The following SEMA5A variants were observed in gnomAD, a reference collection of about 807,000 sequenced individuals.
SEMA5A encodes semaphorin 5A.
A neutral mutation model predicts 135.5 loss-of-function variants in SEMA5A; 55 were observed. The observed-to-expected ratio is 0.41, with a 90% CI of 0.33 to 0.51. SEMA5A has a LOEUF of 0.51. Ranked by LOEUF, SEMA5A falls within the 20% of genes least tolerant of loss-of-function variation. The probability of loss-of-function intolerance (pLI) is 0.37; values close to 1 mark genes in which losing one functional copy is unlikely to be tolerated. For synonymous variants in SEMA5A, 580 were observed against 546.5 expected (o/e 1.06, Z -0.85); for missense variants, 1,290 against 1,419.9 (o/e 0.91, Z 1.47).
In SEMA5A at chr5:9,190,387, C is replaced by A; in HGVS notation, c.1153G>T (p.Val385Leu). Residue 385 changes from valine to leucine, a missense_variant, in exon 11 of 23, where the codon GTG becomes TTG. Transcript: ENST00000382496. ...GGCACTGTGGTCACTGGCTGTACCA[C>A]CTCATGCATCAGAATGAACTTCTGA... ...DAQKFILMHEVVQPVTTVPSF... is the reference protein window; with the variant it reads ...DAQKFILMHELVQPVTTVPSF... 6.2e-7 allele frequency: 1 copy of A among 1,614,036 alleles called. No individual in the cohort carries two copies. Among genetic ancestry groups the A allele is most frequent in the Non-Finnish European group, 8.5e-7 (1 of 1,180,026 alleles).
intron 5 of SEMA5A, among the ~76,000 whole-genome samples, chr5:9,307,333 A>G (rs2150631634): frequency 6.6e-6 from 1 of 152,340 alleles, no homozygotes; most frequent in African/African-American, 2.4e-5. Flanking sequence ...ATGTTAAACA[A>G]GGGTGTTGTC....
intron 4 of SEMA5A, among the ~76,000 whole-genome samples, 183 bp downstream of exon 4, chr5:9,337,530 C>T (rs759774522): frequency 3.9e-5 from 6 of 152,182 alleles, no homozygotes; most frequent in Non-Finnish European, 8.8e-5. Flanking sequence ...CTTACTCTAA[C>T]GGGCAGCCAT....
At chr5:9,072,221 T>C (rs180681449) in intron 16 of SEMA5A, among the ~76,000 whole-genome samples, 1 of 152,272 alleles carries the variant, frequency 6.6e-6, no homozygotes, top group African/African-American at 2.4e-5. Context: ...AGACAACTTA[T>C]GGGAGACCCA....
At chr5:9,048,748 C>T (rs1464860411) in intron 21 of SEMA5A, among the ~76,000 whole-genome samples, 2 of 152,176 alleles carry the variant, frequency 1.3e-5, no homozygotes, top group African/African-American at 2.4e-5. Flanking sequence ...ATGGGCTTTG[C>T]ACCATATTCT....
chr5:9,207,845 A>AGAT (rs1175638822), intron 8 of SEMA5A, among the ~76,000 whole-genome samples: 1 of 151,510 alleles, frequency 6.6e-6, no homozygotes, highest in Non-Finnish European at 1.5e-5. Flanking sequence ...ACTAAAAGAC[A>AGAT]GATGATGATA....
chr5:9,200,093 G>A (rs921753719), intron 9 of SEMA5A, among the ~76,000 whole-genome samples: 3 of 152,168 alleles, frequency 2.0e-5, no homozygotes, highest in Non-Finnish European at 2.9e-5. Flanking sequence ...AAAGGAGGTG[G>A]AAAATATTGT....
chr5:9,318,663 C>T (rs753887887), intron 4 of SEMA5A, among the ~76,000 whole-genome samples: 9 of 152,104 alleles, frequency 5.9e-5, no homozygotes, highest in Non-Finnish European at 1.0e-4. Flanking sequence ...TACATACTTA[C>T]GGTAAGTGTA....
intron 1 of SEMA5A, among the ~76,000 whole-genome samples, chr5:9,469,787 G>A (rs1759408201): frequency 6.6e-6 from 1 of 152,172 alleles, no homozygotes; most frequent in South Asian, 2.1e-4. Flanking sequence ...CAGCATGCAA[G>A]AACCCCCAGC....
chr5:9,379,919 G>A lies in SEMA5A; in HGVS notation c.28C>T (p.Leu10=), dbSNP rs757544769. 1 of 1,613,868 alleles carries A rather than the reference G, an allele frequency of 6.2e-7. No individual in the cohort carries two copies. The highest frequency in any genetic ancestry group is 1.7e-5 in the Admixed American group (1 of 59,966). The change falls in exon 3 of 23, where the codon CTG becomes TTG. Residue 10 remains leucine, a synonymous_variant. Coordinates refer to ENST00000382496, the MANE Select transcript of SEMA5A (RefSeq NM_003966.3). The part of the protein sequence containing the change: MKGTCVIAW[L]FSSLGLWRLA... ...CTCCACAGCCCCAGGCTTGAGAACA[G>A]CCATGCTATAACACAGGTTCCCTTC...
chr5:9,044,200 A>T (rs994886100), intron 22 of SEMA5A, among the ~76,000 whole-genome samples, 173 bp downstream of exon 22: 6 of 152,198 alleles, frequency 3.9e-5, no homozygotes, highest in Middle Eastern at 3.2e-3. Context: ...CTCCTGGGAC[A>T]TAAGTTCTCC....
At chr5:9,111,413 G>C (rs1740232636) in intron 15 of SEMA5A, among the ~76,000 whole-genome samples, 1 of 152,112 alleles carries the variant, frequency 6.6e-6, no homozygotes, top group African/African-American at 2.4e-5. Context: ...ATAAACCATA[G>C]CACACAAATC....
At chr5:9,237,256 T>C (rs758729766) in intron 6 of SEMA5A, among the ~76,000 whole-genome samples, 1 of 152,206 alleles carries the variant, frequency 6.6e-6, no homozygotes, top group Non-Finnish European at 1.5e-5. Flanking sequence ...GAATCACGCA[T>C]CTTTTTGAGC....
chr5:9,267,739 G>C (rs1318391769), intron 5 of SEMA5A, among the ~76,000 whole-genome samples: 1 of 152,084 alleles, frequency 6.6e-6, no homozygotes, highest in Non-Finnish European at 1.5e-5. Flanking sequence ...ACACATCTGA[G>C]ATCGACTTCA....
chr5:9,403,062 G>A (rs1368419293), intron 2 of SEMA5A, among the ~76,000 whole-genome samples: 7 of 152,000 alleles, frequency 4.6e-5, no homozygotes, highest in Non-Finnish European at 7.4e-5. Context: ...TGCTCCAAAT[G>A]CCATCTCCAA....
rs1344677998 is a variant in SEMA5A at position 9,380,042 on chromosome 5, A to G, written c.-77-19T>C. On this transcript the variant is annotated intron_variant, in intron 2 of 22. Coordinates refer to ENST00000382496, the MANE Select transcript of SEMA5A (RefSeq NM_003966.3). ...AAAGTGCCTAAAACACACAAAAGAG[A>G]AGAATCAGATGACTGTGAGTTCGTT... 3 of 1,460,372 alleles carry G rather than the reference A, an allele frequency of 2.1e-6. No individual in the cohort carries two copies. In the African/African-American group the frequency reaches 4.2e-5, roughly 21 times the overall value. 90.5% of individuals were successfully genotyped at this position (1,460,372 alleles called of 1,614,324 possible).
chr5:9,280,272 C>T (rs1750471505), intron 5 of SEMA5A, among the ~76,000 whole-genome samples: 1 of 152,072 alleles, frequency 6.6e-6, no homozygotes, highest in Admixed American at 6.5e-5. Context: ...AATAAATGGA[C>T]CAATCACTAC....
chr5:9,419,442 G>A (rs1176384390), intron 2 of SEMA5A, among the ~76,000 whole-genome samples: 1 of 152,178 alleles, frequency 6.6e-6, no homozygotes, highest in Non-Finnish European at 1.5e-5. Flanking sequence ...AGGAAGGGCA[G>A]TGCAAAGTCA....
intron 6 of SEMA5A, among the ~76,000 whole-genome samples, chr5:9,235,222 T>C (rs530211042): frequency 5.8e-4 from 89 of 152,222 alleles, no homozygotes; most frequent in Non-Finnish European, 1.0e-3. Context: ...GAGTTAACTG[T>C]TAATTTTTAA....
chr5:9,109,041 T>A (rs1740089564), intron 15 of SEMA5A, among the ~76,000 whole-genome samples: 4 of 62,482 alleles, frequency 6.4e-5, no homozygotes, highest in Non-Finnish European at 1.4e-4. Flanking sequence ...TTTTTTTTTT[T>A]TTTTTTTTTT....
Sources: allele counts gnomAD v4.1 joint callset (sites outside exome capture counted in the v4.1 genomes callset), GRCh38; gene constraint gnomAD v4.1.1; transcripts MANE v1.5; gene names NCBI Gene and HGNC (gene_info 2026-07-23, HGNC 2026-07-21).